The following NID2 variants were observed in gnomAD, a reference collection of about 807,000 sequenced individuals.
NID2 encodes nidogen 2.
A neutral mutation model predicts 145.4 loss-of-function variants in NID2; 83 were observed. The ratio of observed to expected loss-of-function variants is 0.57; its 90% CI spans 0.48 to 0.69. The LOEUF (loss-of-function observed/expected upper bound fraction) is 0.69. NID2 is among the 30% of genes least tolerant of loss of function. The pLI is 0.00. For synonymous variants in NID2, 739 were observed against 701.3 expected, an observed-to-expected ratio of 1.05 and a Z score of -0.85; for missense variants, 1,807 against 1,765.7, an observed-to-expected ratio of 1.02 and a Z score of -0.42.
intron 8 of NID2, among the ~76,000 whole-genome samples, chr14:52,040,009 C>T (rs886288403): frequency 2.0e-5 from 3 of 152,182 alleles, no homozygotes; most frequent in South Asian, 2.1e-4. Flanking sequence ...GGCACAATCT[C>T]GGCTCACTGC....
At chr14:52,035,878 A>ATATATATATATATATATATT (rs58318209) in intron 9 of NID2, among the ~76,000 whole-genome samples, 142 of 135,122 alleles carry the variant, frequency 1.1e-3, no homozygotes, top group Middle Eastern at 3.6e-3. Context: ...ATATATATAT[A>ATATATATATATATATATATT]TGTTTTATTT....
Position 52,027,273 on chromosome 14 carries a change from C to T in NID2, c.2602G>A (p.Val868Ile). ...TCAPAGQARC[V>I]HHGGSTFSCA... is the part of the protein sequence containing the mutation. ...CTGAACGTGCTGCCTCCATGGTGAA[C>T]ACACCGGGCCTGCCCAGCAGGAGCA... Residue 868 changes from valine to isoleucine, a missense_variant, in exon 12 of 22, where the codon GTT becomes ATT. Val to Ile is a conservative substitution (Grantham distance 29). Coordinates refer to ENST00000216286, the MANE Select transcript of NID2 (RefSeq NM_007361.4). The T allele has an allele frequency of 6.3e-7, 1 of 1,597,408 alleles. No individual in the cohort carries two copies.
chr14:52,017,180 A>G (rs556768751), intron 14 of NID2, among the ~76,000 whole-genome samples: 6 of 152,190 alleles, frequency 3.9e-5, no homozygotes, highest in Non-Finnish European at 8.8e-5. Flanking sequence ...ACCCTGTGCT[A>G]TGTGTCTGCA....
At chr14:52,030,524 G>GAA (rs1486098372) in intron 9 of NID2, among the ~76,000 whole-genome samples, 5 of 39,992 alleles carry the variant, frequency 1.3e-4, no homozygotes, top group Non-Finnish European at 2.1e-4. Context: ...AGAAAAGAAA[G>GAA]AAAGAAAGAA....
intron 3 of NID2, among the ~76,000 whole-genome samples, chr14:52,054,690 CAG>C (rs1266209546): frequency 6.6e-6 from 1 of 152,176 alleles, no homozygotes; most frequent in Non-Finnish European, 1.5e-5. Flanking sequence ...GCCTGTGTGG[CAG>C]AGTGAGACCC....
chr14:52,016,839 C>G (rs1241542459), intron 14 of NID2, among the ~76,000 whole-genome samples: 1 of 152,174 alleles, frequency 6.6e-6, no homozygotes, highest in African/African-American at 2.4e-5. Flanking sequence ...GTTCCAGCAC[C>G]TACAATTCCT....
chr14:52,010,298 G>C (rs553655223), intron 18 of NID2: 1 of 152,372 alleles, frequency 6.6e-6, no homozygotes, highest in African/African-American at 2.4e-5. Flanking sequence ...AGTTTCTCAA[G>C]ATATAAAAAT....
Position 52,015,110 on chromosome 14 carries a change from T to C in NID2, c.3194A>G (p.Asp1065Gly). ...HGKSDFCWCV[D>G]KDGREVQGTR... is the part of the protein sequence containing the mutation. ...GCCCTGCACCTCTCTGCCATCTTTG[T>C]CCACACACCAGCAGAAGTCGCTCTT... Residue 1065 changes from aspartate to glycine, a missense_variant, in exon 15 of 22, where the codon GAC becomes GGC. Transcript: ENST00000216286. 1 of 1,614,062 alleles carries C rather than the reference T, an allele frequency of 6.2e-7. No individual in the cohort carries two copies.
chr14:52,018,161 C>T (rs1431287721), intron 14 of NID2, among the ~76,000 whole-genome samples: 5 of 152,206 alleles, frequency 3.3e-5, no homozygotes, highest in Non-Finnish European at 1.5e-5. Context: ...TGGTAATTCT[C>T]CAGTTCTTCT....
At chr14:52,014,058 A>G (rs751747130) in intron 16 of NID2, 13 of 591,146 alleles carry the variant, frequency 2.2e-5, no homozygotes, top group Non-Finnish European at 3.6e-5. Context: ...ATTATCTGAA[A>G]CTCCATGAAC....
chr14:52,030,527 A>AGAAG (rs60713101), intron 9 of NID2, among the ~76,000 whole-genome samples: 1 of 49,768 alleles, frequency 2.0e-5, no homozygotes, highest in Non-Finnish European at 4.5e-5. Context: ...AAAGAAAGAA[A>AGAAG]GAAAGAAAGA....
chr14:52,041,978 A>C (rs1892295225), intron 7 of NID2, 127 bp downstream of exon 7: 1 of 1,196,388 alleles, frequency 8.4e-7, no homozygotes, highest in African/African-American at 1.5e-5. Flanking sequence ...AAAACTACAC[A>C]CATGTGGCTC....
chr14:52,047,158 TAC>T (rs1472566448), intron 5 of NID2, among the ~76,000 whole-genome samples: 32 of 152,342 alleles, frequency 2.1e-4, no homozygotes, highest in African/African-American at 7.0e-4. Flanking sequence ...TCCTGAAGCT[TAC>T]ATTCTCCCCA....
chr14:52,034,854 T>C (rs1020269664), intron 9 of NID2, among the ~76,000 whole-genome samples: 15 of 152,182 alleles, frequency 9.9e-5, no homozygotes, highest in African/African-American at 3.6e-4. Context: ...ATGACCTGGT[T>C]TTCAGAATTA....
At chr14:52,040,933 T>C in intron 7 of NID2, 82 bp from the exon 8 acceptor site, 5 of 1,198,498 alleles carry the variant, frequency 4.2e-6, no homozygotes, top group Non-Finnish European at 6.2e-6. Flanking sequence ...CGCTCCCAAT[T>C]TCTACTGCTG....
chr14:52,035,454 A>C (rs1892025352), intron 9 of NID2, among the ~76,000 whole-genome samples: 1 of 152,200 alleles, frequency 6.6e-6, no homozygotes, highest in Non-Finnish European at 1.5e-5. Flanking sequence ...ATATGCCTAG[A>C]ACATTTTAAA....
At chr14:52,068,714 C>A in intron 1 of NID2, 53 bp downstream of exon 1, 3 of 1,500,886 alleles carry the variant, frequency 2.0e-6, no homozygotes, top group Non-Finnish European at 2.7e-6. Context: ...TTCCGTGAGA[C>A]CGACCCCAGG....
rs768644043 is a variant in NID2, at chr14:52,010,938, G to A, written c.3660C>T (p.Arg1220=). The change falls in exon 18 of 22, where the codon CGC becomes CGT. Residue 1220 remains arginine, a synonymous_variant. Coordinates refer to ENST00000216286, the MANE Select transcript of NID2 (RefSeq NM_007361.4). ...IESALLDGSE[R]KVLFYTDLVN... ...CCAGATCTGTGTAGAAGAGGACCTT[G>A]CGCTCAGAGCCATCCAGCAGGGCGC... The A allele has an allele frequency of 4.3e-6, 7 of 1,613,944 alleles. No homozygotes were observed. In the South Asian group the frequency reaches 4.4e-5, roughly 10 times the overall value.
At chr14:52,027,115 T>C in intron 12 of NID2, 86 bp downstream of exon 12, 1 of 1,318,554 alleles carries the variant, frequency 7.6e-7, no homozygotes. Flanking sequence ...GGAAGTCCTT[T>C]GTCTTTTCTG....
Sources: allele counts gnomAD v4.1 joint callset (sites outside exome capture counted in the v4.1 genomes callset), GRCh38; gene constraint gnomAD v4.1.1; transcripts MANE v1.5; gene names NCBI Gene and HGNC (gene_info 2026-07-23, HGNC 2026-07-21).